NPLOC4: variants seen among roughly 807,000 people sequenced by gnomAD.
The protein encoded by NPLOC4 is NPL4 homolog, ubiquitin recognition factor.
In NPLOC4, 18 loss-of-function variants were observed where a neutral mutation model predicts 80.6. The observed-to-expected ratio is 0.22, with a 90% CI of 0.15 to 0.33. The LOEUF is 0.33. Ranked by LOEUF, NPLOC4 falls within the 10% of genes least tolerant of loss-of-function variation. NPLOC4 has a pLI of 1.00. For missense variants in NPLOC4, 540 were observed against 786.1 expected, an observed-to-expected ratio of 0.69 and a Z score of 3.74; for synonymous variants, 313 against 301.5, an observed-to-expected ratio of 1.04 and a Z score of -0.39.
intron 8 of NPLOC4, among the ~76,000 whole-genome samples, chr17:81,602,948 C>A (rs1313901648): frequency 6.7e-6 from 1 of 148,580 alleles, no homozygotes; most frequent in African/African-American, 2.5e-5. Flanking sequence ...TATATACACA[C>A]ACATATATAT....
chr17:81,573,558 T>C (rs959236994), intron 12 of NPLOC4: 3 of 152,344 alleles, frequency 2.0e-5, no homozygotes, highest in Middle Eastern at 3.4e-3. Flanking sequence ...AACTCCTTGT[T>C]CTACTCTCTC....
In NPLOC4 at chr17:81,567,322, C is replaced by T; in HGVS notation, c.1566+95G>A. On this transcript the variant is annotated intron_variant, in intron 15 of 16. Transcript: ENST00000331134. This position sits in a 1 kb window ranked among gnomAD's most constrained non-coding sequence, Gnocchi z 4.5. ...CCGAGCTTTGACCCAGTTTCCCAAT[C>T]ATGCTCTGGTCTGGGAGGAAAGAAA... The T allele has an allele frequency of 2.6e-6, 2 of 760,350 alleles. No individual in the cohort carries two copies. Among genetic ancestry groups the T allele is most frequent in the Non-Finnish European group, 4.5e-6 (2 of 442,218 alleles). The allele number at this position is 760,350 out of a possible 1,614,324, so 47.1% of individuals were successfully genotyped here. A position where few individuals can be genotyped will look rare whatever the true frequency, so the allele number is the denominator to read the frequency against.
At chr17:81,564,163 C>G (rs910702921) in intron 16 of NPLOC4, 2 of 246,468 alleles carry the variant, frequency 8.1e-6, no homozygotes, top group African/African-American at 4.8e-5. Flanking sequence ...ATGTGTAGTA[C>G]CTGGGTGATG....
chr17:81,630,285 T>C (rs1172337815), intron 1 of NPLOC4, among the ~76,000 whole-genome samples: 1 of 152,006 alleles, frequency 6.6e-6, no homozygotes, highest in East Asian at 1.9e-4. Context: ...ATTTTCTAAT[T>C]GTTACTTTTT....
chr17:81,628,607 C>A (rs144773729), intron 2 of NPLOC4, among the ~76,000 whole-genome samples: 1,995 of 152,208 alleles, frequency 0.013, 63 homozygotes, highest in African/African-American at 0.045. Flanking sequence ...ACAAACCTAC[C>A]TACAACAAAG....
At chr17:81,597,820 G>T (rs1182948415) in intron 9 of NPLOC4, among the ~76,000 whole-genome samples, 1 of 151,592 alleles carries the variant, frequency 6.6e-6, no homozygotes, top group African/African-American at 2.4e-5. Context: ...GCGTGGCCGG[G>T]TGTGGTGGCT....
chr17:81,582,906 A>C (rs1418283444), intron 12 of NPLOC4, among the ~76,000 whole-genome samples: 1 of 152,254 alleles, frequency 6.6e-6, no homozygotes, highest in Non-Finnish European at 1.5e-5. Flanking sequence ...AGTGAGCCAC[A>C]GCCAGCCTCC....
At chr17:81,598,687 T>C (rs1304641243) in intron 9 of NPLOC4, among the ~76,000 whole-genome samples, 1 of 152,094 alleles carries the variant, frequency 6.6e-6, no homozygotes, top group Admixed American at 6.6e-5. Flanking sequence ...CCTCTGCCTG[T>C]GAATTCCTGC....
rs2033664571 is a variant in NPLOC4, at chr17:81,557,138, G to A, written c.*2121C>T. Reference sequence around the variant, plus strand: ...CACTGGATTATGGTGCTGGTAGCATGAGAGGGTGTGTCCACACCAAGGGCA... The same window carrying A: ...CACTGGATTATGGTGCTGGTAGCATAAGAGGGTGTGTCCACACCAAGGGCA... On this transcript the variant is annotated 3_prime_UTR_variant, in exon 17 of 17. Coordinates refer to ENST00000331134, the MANE Select transcript of NPLOC4 (RefSeq NM_017921.4). 6.6e-6 allele frequency: 1 copy of A among 152,264 alleles called. No individual in the cohort carries two copies. Among genetic ancestry groups the A allele is most frequent in the Non-Finnish European group, 1.5e-5 (1 of 68,060 alleles). The allele number at this position is 152,264 out of a possible 1,614,324, so 9.4% of individuals were successfully genotyped here.
intron 12 of NPLOC4, among the ~76,000 whole-genome samples, chr17:81,585,170 C>CAAAAAAAAAGAAAAAAAAAAAAAAAAAAA (rs2034542357): frequency 2.4e-5 from 1 of 40,884 alleles, no homozygotes; most frequent in African/African-American, 1.3e-4. Context: ...ACTCTGTCGC[C>CAAAAAAAAAGAAAAAAAAAAAAAAAAAAA]AAAAAAAAAA....
intron 2 of NPLOC4, among the ~76,000 whole-genome samples, chr17:81,628,142 C>T (rs2035844777): frequency 6.7e-6 from 1 of 150,224 alleles, no homozygotes; most frequent in Non-Finnish European, 1.5e-5. Flanking sequence ...ACCCGGGAGG[C>T]GGAGCTTGCA....
chr17:81,601,539 G>T (rs2035056321), intron 8 of NPLOC4, among the ~76,000 whole-genome samples: 1 of 152,166 alleles, frequency 6.6e-6, no homozygotes, highest in Non-Finnish European at 1.5e-5. Context: ...TTATAGATGT[G>T]AGCCACCACG....
At chr17:81,598,988 C>T (rs1324941204) in intron 9 of NPLOC4, among the ~76,000 whole-genome samples, 1 of 152,188 alleles carries the variant, frequency 6.6e-6, no homozygotes, top group Non-Finnish European at 1.5e-5. Context: ...AAAATTAGGG[C>T]TTAGAAACTC....
intron 3 of NPLOC4, among the ~76,000 whole-genome samples, chr17:81,621,618 T>C (rs891385029): frequency 7.2e-5 from 11 of 152,234 alleles, no homozygotes; most frequent in African/African-American, 2.7e-4. Flanking sequence ...CCTCACGGTC[T>C]ATCACAACTA....
At chr17:81,628,884 C>CCT (rs556633206) in intron 2 of NPLOC4, among the ~76,000 whole-genome samples, 19 of 145,316 alleles carry the variant, frequency 1.3e-4, no homozygotes, top group African/African-American at 4.8e-4. Flanking sequence ...ACAATTCATA[C>CCT]TTTTTTTTTT....
At chr17:81,593,316 G>A (rs1483253315) in intron 11 of NPLOC4, among the ~76,000 whole-genome samples, 1 of 152,082 alleles carries the variant, frequency 6.6e-6, no homozygotes, top group Non-Finnish European at 1.5e-5. Context: ...CTGACGGCAA[G>A]GCCAGCTGAG....
At chr17:81,616,039 C>T (rs1375182443) in intron 3 of NPLOC4, among the ~76,000 whole-genome samples, 1 of 152,108 alleles carries the variant, frequency 6.6e-6, no homozygotes, top group African/African-American at 2.4e-5. Context: ...TAAATCTGGG[C>T]CGGGCGTGGT....
chr17:81,586,565 G>A lies in NPLOC4; in HGVS notation c.1281+2379C>T, dbSNP rs527271613. Among the ~76,000 whole-genome samples, 12 of 149,758 alleles carry A rather than the reference G, an allele frequency of 8.0e-5. No homozygotes were observed. In the South Asian group the frequency reaches 2.5e-3, roughly 31 times the overall value. The stretch of plus-strand genomic sequence containing the variant: ...GCGGAGGCTGCAGTGGGCCGAGATC[G>A]CGCCACTGTACTCCAGCCTGGGTAA... On this transcript the variant is annotated intron_variant, in intron 12 of 16. Coordinates refer to ENST00000331134, the MANE Select transcript of NPLOC4 (RefSeq NM_017921.4).
At chr17:81,583,395 T>C (rs1343302822) in intron 12 of NPLOC4, among the ~76,000 whole-genome samples, 6 of 152,186 alleles carry the variant, frequency 3.9e-5, no homozygotes, top group East Asian at 3.8e-4. Context: ...GTTAAAAGAA[T>C]AGAAAAGGAA....
Sources: gnomAD v4.1 joint callset for allele counts (sites outside exome capture counted in the v4.1 genomes callset) on GRCh38, gnomAD v4.1.1 for gene constraint, Gnocchi (gnomAD v3.1) non-coding constraint, MANE v1.5 for transcripts, NCBI Gene and HGNC (gene_info 2026-07-23, HGNC 2026-07-21) for gene names.